TIMM23B: variants seen among roughly 807,000 people sequenced by gnomAD.
TIMM23B encodes the protein translocase of inner mitochondrial membrane 23 homolog B.
A neutral mutation model predicts 27.3 loss-of-function variants in TIMM23B; 27 were observed. That is an observed-to-expected ratio of 0.99 (90% confidence interval 0.73 to 1.36). The LOEUF (loss-of-function observed/expected upper bound fraction) is 1.36. Among genes scored for constraint, TIMM23B ranks in the 40% most tolerant of loss-of-function variants. The pLI, the probability that TIMM23B is intolerant of heterozygous loss-of-function variation, is 0.00. For synonymous variants in TIMM23B, 73 were observed against 92.4 expected (o/e 0.79, Z 1.21); for missense variants, 205 against 244.2 (o/e 0.84, Z 1.07).
intron 2 of TIMM23B, among the ~76,000 whole-genome samples, chr10:49,947,100 G>C (rs1346802893): frequency 1.3e-5 from 2 of 152,174 alleles, no homozygotes; most frequent in African/African-American, 4.8e-5. Flanking sequence ...CCCTAACCCT[G>C]CACCATATGC....
intron 6 of TIMM23B, among the ~76,000 whole-genome samples, chr10:49,969,844 G>A (rs1188749623): frequency 2.6e-5 from 4 of 151,710 alleles, no homozygotes; most frequent in Admixed American, 1.3e-4. Context: ...ATGCCGAGCC[G>A]AAGCTGGACT....
chr10:49,966,811 C>T (rs1414333486), intron 6 of TIMM23B, among the ~76,000 whole-genome samples: 3 of 152,194 alleles, frequency 2.0e-5, no homozygotes, highest in East Asian at 1.9e-4. Context: ...GGCAGCTGAG[C>T]GAAACTCTGT....
At chr10:49,945,427 C>A (rs1839324741) in intron 2 of TIMM23B, among the ~76,000 whole-genome samples, 1 of 152,188 alleles carries the variant, frequency 6.6e-6, no homozygotes, top group African/African-American at 2.4e-5. Context: ...GTCCTCCAGG[C>A]TGGAGTGCAG....
chr10:49,942,126 G>C lies in TIMM23B; in HGVS notation c.-69G>C, dbSNP rs1386380407. On this transcript the variant is annotated 5_prime_UTR_variant, in exon 1 of 7. Transcript: ENST00000651259. ...ACGCGGGGTTACCCGCTGTTATTGA[G>C]GAGTAACGGCCCAGCGGACCACCCA... 6 of 1,500,254 alleles carry C rather than the reference G, an allele frequency of 4.0e-6. No homozygotes were observed. In the Admixed American group the frequency reaches 8.7e-5, roughly 22 times the overall value. The allele number at this position is 1,500,254 out of a possible 1,614,324, so 92.9% of individuals were successfully genotyped here. A position where few individuals can be genotyped will look rare whatever the true frequency, so the allele number is the denominator to read the frequency against.
chr10:49,956,469 G>GTGTGTGTGTGTGTGTGTGTA, intron 5 of TIMM23B, among the ~76,000 whole-genome samples: 1 of 88,146 alleles, frequency 1.1e-5, no homozygotes, highest in South Asian at 3.5e-4. Flanking sequence ...GTGTGTGTGT[G>GTGTGTGTGTGTGTGTGTGTA]TATGTGTGTC....
chr10:49,954,503 A>G (rs1839647010), intron 4 of TIMM23B: 1 of 164,858 alleles, frequency 6.1e-6, no homozygotes, highest in South Asian at 1.6e-4. Context: ...TCTTTACTTT[A>G]TATTCTGTAC....
At chr10:49,963,385 A>G (rs1399790244) in intron 6 of TIMM23B, among the ~76,000 whole-genome samples, 4 of 152,184 alleles carry the variant, frequency 2.6e-5, no homozygotes, top group Admixed American at 1.3e-4. Context: ...ATGAAATGAA[A>G]TGATGAAATG....
intron 4 of TIMM23B, 72 bp downstream of exon 4, chr10:49,952,605 C>T: frequency 6.5e-7 from 1 of 1,534,644 alleles, no homozygotes; most frequent in Non-Finnish European, 8.9e-7. Flanking sequence ...TTGATGAGTA[C>T]AACCTTGAGA....
In TIMM23B at chr10:49,953,179, TG is replaced by T. The variant is rs1167930796; in HGVS notation, c.344+647del. Among the ~76,000 whole-genome samples the T allele has an allele frequency of 2.1e-4, 32 of 151,996 alleles. 1 individual carries two copies. The highest frequency in any genetic ancestry group is 5.9e-4 in the Admixed American group (9 of 15,270). On this transcript the variant is annotated intron_variant, in intron 4 of 6. Transcript: ENST00000651259. The stretch of plus-strand genomic sequence containing the variant: ...ATTCCTTAAACAATATGTTTAGTTT[TG>T]CCCATTTTTATGCTTCATGTAAGTG...
intron 6 of TIMM23B, among the ~76,000 whole-genome samples, chr10:49,961,685 G>T (rs1312760835): frequency 6.6e-6 from 1 of 151,496 alleles, no homozygotes; most frequent in Non-Finnish European, 1.5e-5. Context: ...CTACAGCCTT[G>T]AACTCCTGGG....
chr10:49,955,893 T>C (rs1325928748), intron 5 of TIMM23B, among the ~76,000 whole-genome samples: 3 of 152,224 alleles, frequency 2.0e-5, no homozygotes, highest in African/African-American at 7.2e-5. Context: ...ATGTTGCTGA[T>C]GTCTGCATTC....
chr10:49,971,014 A>C (rs1840419524), intron 6 of TIMM23B, among the ~76,000 whole-genome samples: 1 of 152,176 alleles, frequency 6.6e-6, no homozygotes, highest in South Asian at 2.1e-4. Context: ...GATGCTGTTG[A>C]TCTATGACCT....
intron 6 of TIMM23B, among the ~76,000 whole-genome samples, chr10:49,961,186 C>T (rs1192999888): frequency 6.7e-6 from 1 of 149,346 alleles, no homozygotes; most frequent in African/African-American, 2.5e-5. Context: ...GAGTTCGAGA[C>T]CAGCCTGACC....
chr10:49,942,301 G>GT lies in TIMM23B; in HGVS notation c.106+2dup, dbSNP rs1330455919. The GT allele has an allele frequency of 1.6e-5, 25 of 1,608,594 alleles. No homozygotes were observed. Among genetic ancestry groups the GT allele is most frequent in the Admixed American group, 1.2e-4 (7 of 59,556 alleles). On this transcript the variant is annotated splice_donor_variant, in intron 1 of 6. Coordinates refer to ENST00000651259, the MANE Select transcript of TIMM23B (RefSeq NM_001290117.2). LOFTEE classifies it high-confidence loss of function. ...CACGCGGATTTGGCTGGCGTCCCGCGTAAGTATGGGGCCTAGCTTGCGATT... is the reference window on the plus strand; with the variant it reads ...CACGCGGATTTGGCTGGCGTCCCGCGTTAAGTATGGGGCCTAGCTTGCGATT...
intron 6 of TIMM23B, among the ~76,000 whole-genome samples, chr10:49,971,687 C>T (rs1275975018): frequency 1.3e-5 from 2 of 152,158 alleles, no homozygotes; most frequent in Non-Finnish European, 2.9e-5. Context: ...CCCCGTTGAG[C>T]CCATCAGTGG....
intron 2 of TIMM23B, among the ~76,000 whole-genome samples, chr10:49,948,922 T>C (rs1839436197): frequency 6.6e-6 from 1 of 152,236 alleles, no homozygotes; most frequent in Non-Finnish European, 1.5e-5. Flanking sequence ...AGTCTCACTC[T>C]GTCTTCCAGA....
At chr10:49,954,596 C>G (rs1272007518) in intron 4 of TIMM23B, among the ~76,000 whole-genome samples, 1 of 151,908 alleles carries the variant, frequency 6.6e-6, no homozygotes, top group Non-Finnish European at 1.5e-5. Flanking sequence ...AGCTAGCTCG[C>G]CATAGTTAAC....
chr10:49,946,853 C>G (rs1266698184), intron 2 of TIMM23B, among the ~76,000 whole-genome samples: 1 of 149,672 alleles, frequency 6.7e-6, no homozygotes, highest in Non-Finnish European at 1.5e-5. Context: ...ATAGAATGGC[C>G]AATGACCTTG....
intron 6 of TIMM23B, among the ~76,000 whole-genome samples, chr10:49,966,517 TTGAAA>T (rs1564689343): frequency 1.3e-5 from 2 of 152,138 alleles, no homozygotes; most frequent in Non-Finnish European, 2.9e-5. Context: ...AGTTTCCATC[TTGAAA>T]TGAAAGAAAT....
Sources: allele counts gnomAD v4.1 joint callset (sites outside exome capture counted in the v4.1 genomes callset), GRCh38; gene constraint gnomAD v4.1.1; transcripts MANE v1.5; gene names NCBI Gene and HGNC (gene_info 2026-07-23, HGNC 2026-07-21).